The following KIAA0825 variants were observed in gnomAD, a reference collection of about 807,000 sequenced individuals.
KIAA0825 encodes KIAA0825.
KIAA0825 carries 119 observed loss-of-function variants against 147.6 expected under a neutral mutation model. The ratio of observed to expected loss-of-function variants is 0.81; its 90% CI spans 0.69 to 0.94. KIAA0825 has a LOEUF of 0.94. Ranked by LOEUF, KIAA0825 falls within the 40% of genes least tolerant of loss-of-function variation. The pLI, the probability that KIAA0825 is intolerant of heterozygous loss-of-function variation, is 0.00. For missense variants in KIAA0825, 1,381 were observed against 1,472.7 expected (o/e 0.94, Z 1.02); for synonymous variants, 470 against 518.1 (o/e 0.91, Z 1.26).
At chr5:94,156,989 A>T (rs1442099934) in intron 20 of KIAA0825, among the ~76,000 whole-genome samples, 1 of 123,606 alleles carries the variant, frequency 8.1e-6, no homozygotes, top group Non-Finnish European at 2.0e-5. Context: ...CAATTCTGTT[A>T]AAAAAAAAAT....
intron 20 of KIAA0825, among the ~76,000 whole-genome samples, chr5:94,237,071 G>C (rs1775085724): frequency 6.9e-6 from 1 of 145,170 alleles, no homozygotes; most frequent in Admixed American, 7.1e-5. Context: ...GTGTGTGTGT[G>C]TCTGTGTCTG....
At position 94,555,220 on chromosome 5, in the gene KIAA0825, C is replaced by T. The variant is rs141502427; in HGVS notation, c.-1-18093G>A. 2.0e-3 allele frequency among the ~76,000 whole-genome samples: 311 copies of T among 152,182 alleles called. 2 individuals carry two copies. The highest frequency in any genetic ancestry group is 7.3e-3 in the African/African-American group (303 of 41,532). On this transcript the variant is annotated intron_variant, in intron 2 of 20. Transcript: ENST00000682413. Reference sequence around the variant, plus strand: ...GGAGTTGAGATTTTAATGTTTTAGCCTTCCCCCAATGACTACATAAACACT... The same window carrying T: ...GGAGTTGAGATTTTAATGTTTTAGCTTTCCCCCAATGACTACATAAACACT...
At chr5:94,609,311 T>A (rs1241223730) in intron 1 of KIAA0825, among the ~76,000 whole-genome samples, 1 of 152,198 alleles carries the variant, frequency 6.6e-6, no homozygotes, top group African/African-American at 2.4e-5. Flanking sequence ...CATTGCAAAA[T>A]ATAAAACAAT....
At position 94,611,813 on chromosome 5, in the gene KIAA0825, G is replaced by T. The variant is rs191379302; in HGVS notation, c.-153+6687C>A. 3.3e-5 allele frequency: 5 copies of T among 152,082 alleles called. No individual in the cohort carries two copies. In the East Asian group the frequency reaches 9.7e-4, roughly 30 times the overall value. The allele number at this position is 152,082 out of a possible 1,614,324, so 9.4% of individuals were successfully genotyped here. A position where few individuals can be genotyped will look rare whatever the true frequency, so the allele number is the denominator to read the frequency against. ...AATTAAAAAATTTTTTTACATAGTGGTGCATACCTGTAGCCCCAGCTACTT... is the reference window on the plus strand; with the variant it reads ...AATTAAAAAATTTTTTTACATAGTGTTGCATACCTGTAGCCCCAGCTACTT... On this transcript the variant is annotated intron_variant, in intron 1 of 20. Transcript: ENST00000682413.
At chr5:94,276,440 T>G (rs1777224697) in intron 20 of KIAA0825, among the ~76,000 whole-genome samples, 2 of 152,112 alleles carry the variant, frequency 1.3e-5, no homozygotes, top group Non-Finnish European at 2.9e-5. Flanking sequence ...AAAGACCACA[T>G]TAGCTATGCA....
intron 17 of KIAA0825, 21 bp from the exon 18 acceptor site, chr5:94,391,715 T>A: frequency 2.7e-6 from 4 of 1,497,894 alleles, no homozygotes; most frequent in African/African-American, 1.4e-5. Context: ...AGAAAGCATA[T>A]ACATATCAGT....
In KIAA0825 at chr5:94,534,359, A is replaced by T. The variant is rs543419181; in HGVS notation, c.131+2637T>A. Among the ~76,000 whole-genome samples, 182 of 152,300 alleles carry T rather than the reference A, an allele frequency of 1.2e-3. 1 individual carries two copies. The highest frequency in any genetic ancestry group is 4.0e-3 in the African/African-American group (166 of 41,578). Reference sequence around the variant, plus strand: ...TATTATTCAGTATTTTATTTTAAAAAATATATATACCCTATACTATTATGT... The same window carrying T: ...TATTATTCAGTATTTTATTTTAAAATATATATATACCCTATACTATTATGT... On this transcript the variant is annotated intron_variant, in intron 3 of 20. Coordinates refer to ENST00000682413, the MANE Select transcript of KIAA0825 (RefSeq NM_001145678.3).
At chr5:94,301,020 G>A (rs1308533393) in intron 20 of KIAA0825, among the ~76,000 whole-genome samples, 1 of 152,142 alleles carries the variant, frequency 6.6e-6, no homozygotes, top group Non-Finnish European at 1.5e-5. Flanking sequence ...GAAATTCATA[G>A]GAAACACTGA....
rs968685508 is a variant in KIAA0825, at chr5:94,542,819, G to GA, written c.-1-5693dup. ...GAGATTCCCTCTCAAAAAAAAGAAA[G>GA]AAAAAAAAAGAATCTGTTTTCATTT... On this transcript the variant is annotated intron_variant, in intron 2 of 20. Transcript: ENST00000682413. Among the ~76,000 whole-genome samples, 95 of 150,118 alleles carry GA rather than the reference G, an allele frequency of 6.3e-4. No individual in the cohort carries two copies. The East Asian group carries it at 0.014, about 22-fold the overall frequency.
chr5:94,471,647 C>T lies in KIAA0825; in HGVS notation c.1540G>A (p.Ala514Thr). Residue 514 changes from alanine to threonine, a missense_variant, in exon 9 of 21, where the codon GCA becomes ACA. Ala to Thr is a moderately conservative substitution (Grantham distance 58). Coordinates refer to ENST00000682413, the MANE Select transcript of KIAA0825 (RefSeq NM_001145678.3). ...CRDDSFQEIRANLVEACCKVA... is the reference protein window; with the variant it reads ...CRDDSFQEIRTNLVEACCKVA... ...TTACAACAGGCCTCCACCAAGTTTG[C>T]TCTAATTTCCTGAAAAGAATCATCT... The T allele has an allele frequency of 6.4e-7, 1 of 1,552,126 alleles. No homozygotes were observed. Among genetic ancestry groups the T allele is most frequent in the Non-Finnish European group, 8.7e-7 (1 of 1,147,078 alleles).
chr5:94,255,780 A>T (rs1363433251), intron 20 of KIAA0825, among the ~76,000 whole-genome samples: 1 of 120,482 alleles, frequency 8.3e-6, no homozygotes, highest in East Asian at 2.5e-4. Context: ...GTGCAATGGC[A>T]TGATCACATG....
At chr5:94,601,433 C>G (rs1786428479) in intron 1 of KIAA0825, among the ~76,000 whole-genome samples, 1 of 152,154 alleles carries the variant, frequency 6.6e-6, no homozygotes, top group South Asian at 2.1e-4. Flanking sequence ...GTAGATAAAG[C>G]CCACAAAGAT....
At position 94,446,094 on chromosome 5, in the gene KIAA0825, G is replaced by A. The variant is rs192574128; in HGVS notation, c.2358-5973C>T. ...TCCTCATTAAGATGGTGCTTCCCCT[G>A]CCTGGGCCTTACCACACAGATCAAA... On this transcript the variant is annotated intron_variant, in intron 13 of 20. Transcript: ENST00000682413. Among the ~76,000 whole-genome samples, 3 of 152,268 alleles carry A rather than the reference G, an allele frequency of 2.0e-5. No individual in the cohort carries two copies. The East Asian group carries it at 5.8e-4, about 29-fold the overall frequency.
chr5:94,370,124 TG>T (rs1182066663), intron 20 of KIAA0825, among the ~76,000 whole-genome samples: 2 of 152,022 alleles, frequency 1.3e-5, no homozygotes, highest in African/African-American at 4.8e-5. Context: ...ATCAAAAAAC[TG>T]TGGTACAACC....
chr5:94,504,113 TTAAA>T (rs1765417790), intron 5 of KIAA0825, among the ~76,000 whole-genome samples: 1 of 152,184 alleles, frequency 6.6e-6, no homozygotes, highest in South Asian at 2.1e-4. Context: ...TTAAATTATC[TTAAA>T]TAAGGCCTTT....
At chr5:94,265,491 G>A (rs554651119) in intron 20 of KIAA0825, among the ~76,000 whole-genome samples, 7 of 152,184 alleles carry the variant, frequency 4.6e-5, no homozygotes, top group African/African-American at 9.6e-5. Flanking sequence ...TCACTGCCAC[G>A]TACTTATATT....
In KIAA0825 at chr5:94,537,831, C is replaced by T. The variant is rs561991664; in HGVS notation, c.-1-704G>A. On this transcript the variant is annotated intron_variant, in intron 2 of 20. Transcript: ENST00000682413. ...TTCCCTCAACCTTTGTCAATATACT[C>T]ACCTGGAAATTGTAGCCTTAGACTT... 2.4e-4 allele frequency among the ~76,000 whole-genome samples: 37 copies of T among 152,164 alleles called. 1 individual carries two copies. In the South Asian group the frequency reaches 4.2e-3, roughly 17 times the overall value.
intron 20 of KIAA0825, among the ~76,000 whole-genome samples, chr5:94,285,112 C>A (rs1777613957): frequency 6.6e-6 from 1 of 152,006 alleles, no homozygotes; most frequent in African/African-American, 2.4e-5. Context: ...AAATTCAAAG[C>A]TGTATGTGTA....
At chr5:94,168,602 T>C (rs1583728475) in intron 20 of KIAA0825, among the ~76,000 whole-genome samples, 1 of 152,316 alleles carries the variant, frequency 6.6e-6, no homozygotes, top group South Asian at 2.1e-4. Context: ...CAGTAAATCA[T>C]CCACATCTCC....
Sources: allele counts gnomAD v4.1 joint callset (sites outside exome capture counted in the v4.1 genomes callset), GRCh38; gene constraint gnomAD v4.1.1; transcripts MANE v1.5; gene names NCBI Gene and HGNC (gene_info 2026-07-23, HGNC 2026-07-21).